MMP10: variants seen among roughly 807,000 people sequenced by gnomAD.
The protein encoded by MMP10 is stromelysin-2.
A neutral mutation model predicts 49.1 loss-of-function variants in MMP10; 50 were observed. That is an observed-to-expected ratio of 1.02 (90% CI 0.81 to 1.29). MMP10 has a LOEUF of 1.29. Among genes scored for constraint, MMP10 ranks in the 50% most tolerant of loss-of-function variants. The pLI, the probability that MMP10 is intolerant of heterozygous loss-of-function variation, is 0.00. For synonymous variants in MMP10, 229 were observed against 201.6 expected, an observed-to-expected ratio of 1.14 and a Z score of -1.15; for missense variants, 613 against 563.8, an observed-to-expected ratio of 1.09 and a Z score of -0.88.
chr11:102,779,336 G>A lies in MMP10; in HGVS notation c.373C>T (p.Pro125Ser). The A allele has an allele frequency of 6.2e-7, 1 of 1,614,102 alleles. No homozygotes were observed. The highest frequency in any genetic ancestry group is 8.5e-7 in the Non-Finnish European group (1 of 1,180,006). The change falls in exon 3 of 10, where the codon CCA becomes TCA. Residue 125 changes from proline (P) to serine (S), a missense_variant. By Grantham distance (74) the Pro-to-Ser change is moderately conservative. Transcript: ENST00000279441. Reference sequence around the variant, plus strand: ...ATGGCAGAATCAACAGCATCTCTTGGCAAATCTGGTGTATAATTCACAATC... The same window carrying A: ...ATGGCAGAATCAACAGCATCTCTTGACAAATCTGGTGTATAATTCACAATC... ...YRIVNYTPDL[P>S]RDAVDSAIEK...
In MMP10 at chr11:102,779,725, G is replaced by T; in HGVS notation, c.126C>A (p.Tyr42Ter). ...DLAQQYLEKY[Y>*]NLEKDVKQFR... Reference sequence around the variant, plus strand: ...ACTGTTTCACATCCTTTTCGAGGTTGTAGTACTTTTCTAGGTATTGCTAAT... The same window carrying T: ...ACTGTTTCACATCCTTTTCGAGGTTTTAGTACTTTTCTAGGTATTGCTAAT... Residue 42 changes from tyrosine to a stop codon, truncating the protein, a stop_gained, in exon 2 of 10, where the codon TAC becomes TAA. Transcript: ENST00000279441. LOFTEE classifies it high-confidence loss of function. 1 of 1,613,490 alleles carries T rather than the reference G, an allele frequency of 6.2e-7. No homozygotes were observed. Among genetic ancestry groups the T allele is most frequent in the Non-Finnish European group, 8.5e-7 (1 of 1,179,614 alleles).
chr11:102,772,815 C>T lies in MMP10; in HGVS notation c.1226+32G>A, dbSNP rs1380066839. On this transcript the variant is annotated intron_variant, in intron 8 of 9. Coordinates refer to ENST00000279441, the MANE Select transcript of MMP10 (RefSeq NM_002425.3). The surrounding 1 kb of genome is among the most constrained non-coding windows in gnomAD (Gnocchi z 4.4). ...AAAGAAAATAATTTTCTTAATCAGG[C>T]TTCATAGAAAGTCATTTCTCTTGCA... The T allele has an allele frequency of 1.3e-6, 2 of 1,594,680 alleles. No individual in the cohort carries two copies. Among genetic ancestry groups the T allele is most frequent in the Non-Finnish European group, 1.7e-6 (2 of 1,170,598 alleles).
At chr11:102,777,651 A>G (rs1166824449) in intron 4 of MMP10, among the ~76,000 whole-genome samples, 1 of 152,148 alleles carries the variant, frequency 6.6e-6, no homozygotes, top group African/African-American at 2.4e-5. Flanking sequence ...ATGCCCAATA[A>G]CAGTTTTCTG....
At chr11:102,774,602 G>C (rs192106236) in intron 7 of MMP10, among the ~76,000 whole-genome samples, 4 of 152,028 alleles carry the variant, frequency 2.6e-5, no homozygotes, top group Admixed American at 2.0e-4. Flanking sequence ...GACAAAATTG[G>C]CAAATTTTTA....
In MMP10 at chr11:102,776,379, GA is replaced by G; in HGVS notation, c.832del (p.Ser278LeufsTer24). 6.2e-7 allele frequency: 1 copy of G among 1,613,948 alleles called. No individual in the cohort carries two copies. Among genetic ancestry groups the G allele is most frequent in the Non-Finnish European group, 8.5e-7 (1 of 1,179,892 alleles). The stretch of plus-strand genomic sequence containing the variant: ...TGGCATCTCAGATCCCGAAGGAACA[GA>G]TTTTGTGGGCACCAGGGGTTCCTCA... ...STEEPLVPTK[S>X]VPSGSEMPAK... is the part of the protein sequence containing the mutation. On this transcript the variant is annotated frameshift_variant, in exon 6 of 10. Transcript: ENST00000279441. LOFTEE classifies it high-confidence loss of function.
Position 102,772,696 on chromosome 11 carries a change from A to G in MMP10, c.1226+151T>C. 1.3e-6 allele frequency: 1 copy of G among 768,918 alleles called. No homozygotes were observed. Among genetic ancestry groups the G allele is most frequent in the Non-Finnish European group, 2.0e-6 (1 of 493,940 alleles). 47.6% of individuals were successfully genotyped at this position (768,918 alleles called of 1,614,324 possible). On this transcript the variant is annotated intron_variant, in intron 8 of 9. Coordinates refer to ENST00000279441, the MANE Select transcript of MMP10 (RefSeq NM_002425.3). This position sits in a 1 kb window ranked among gnomAD's most constrained non-coding sequence, Gnocchi z 4.4. ...CATTCTGAGAGGCCTTTGTATCCGGAAGGTAGAACAATAAGCTGTCTTCCT... is the reference window on the plus strand; with the variant it reads ...CATTCTGAGAGGCCTTTGTATCCGGGAGGTAGAACAATAAGCTGTCTTCCT...
chr11:102,776,755 GCAA>G lies in MMP10; in HGVS notation c.641_643del (p.Val214del), dbSNP rs765974846. The G allele has an allele frequency of 1.2e-6, 2 of 1,613,628 alleles. No individual in the cohort carries two copies. Among genetic ancestry groups the G allele is most frequent in the East Asian group, 4.5e-5 (2 of 44,898 alleles). On this transcript the variant is annotated inframe_deletion, in exon 5 of 10. Coordinates refer to ENST00000279441, the MANE Select transcript of MMP10 (RefSeq NM_002425.3). The stretch of plus-strand genomic sequence containing the variant: ...CAGGGAGTGGCCAAGTTCATGAGCA[GCAA>G]CGAGGAATAAATTGGTGCCTGTATG...
chr11:102,779,402 C>A, intron 2 of MMP10, 41 bp from the exon 3 acceptor site: 1 of 1,609,184 alleles, frequency 6.2e-7, no homozygotes, highest in Non-Finnish European at 8.5e-7. Flanking sequence ...TTTCTCCTGC[C>A]TTTATGAAAA....
intron 7 of MMP10, among the ~76,000 whole-genome samples, chr11:102,774,049 G>A (rs182637315): frequency 6.6e-6 from 1 of 152,300 alleles, no homozygotes; most frequent in Non-Finnish European, 1.5e-5. Context: ...ACATAAGTGA[G>A]ATTGCCAGAA....
At position 102,770,791 on chromosome 11, in the gene MMP10, G is replaced by A. The variant is rs747206561; in HGVS notation, c.*2C>T. On this transcript the variant is annotated 3_prime_UTR_variant, in exon 10 of 10. Coordinates refer to ENST00000279441, the MANE Select transcript of MMP10 (RefSeq NM_002425.3). ...CCCATATCTGTCTTCCCCCTATCTC[G>A]CCTAGCAATGTAACCAGCTGTTACT... The A allele has an allele frequency of 2.0e-5, 32 of 1,584,230 alleles. No homozygotes were observed. Among genetic ancestry groups the A allele is most frequent in the South Asian group, 9.1e-5 (8 of 88,220 alleles).
intron 9 of MMP10, 48 bp downstream of exon 9, chr11:102,771,964 A>C: frequency 8.8e-7 from 1 of 1,141,340 alleles, no homozygotes; most frequent in Non-Finnish European, 1.3e-6. Flanking sequence ...TGAAATCATA[A>C]AAATGCCTGG....
intron 1 of MMP10, among the ~76,000 whole-genome samples, chr11:102,779,968 G>A (rs1565456140): frequency 6.6e-6 from 1 of 152,228 alleles, no homozygotes; most frequent in Admixed American, 6.5e-5. Flanking sequence ...TTCAAGTCTA[G>A]CATTATTTTT....
chr11:102,770,824 A>G lies in MMP10; in HGVS notation c.1400T>C (p.Ile467Thr). 6.2e-7 allele frequency: 1 copy of G among 1,612,164 alleles called. No homozygotes were observed. The highest frequency in any genetic ancestry group is 1.1e-5 in the South Asian group (1 of 90,702). ...FDPNARMVTH[I>T]LKSNSWLHC The stretch of plus-strand genomic sequence containing the variant: ...ATGTAACCAGCTGTTACTCTTTAAT[A>G]TGTGTGTCACCATCCTGGCATTGGG... Residue 467 changes from isoleucine (I) to threonine (T), a missense_variant, in exon 10 of 10, where the codon ATA becomes ACA. By Grantham distance (89) the Ile-to-Thr change is moderately conservative. Coordinates refer to ENST00000279441, the MANE Select transcript of MMP10 (RefSeq NM_002425.3).
At chr11:102,778,828 C>A (rs12146586) in intron 3 of MMP10, 79 bp from the exon 4 acceptor site, 57 of 1,527,572 alleles carry the variant, frequency 3.7e-5, no homozygotes, top group Non-Finnish European at 4.8e-5. Flanking sequence ...ACAGTAGATT[C>A]TATAGTCTGA....
intron 7 of MMP10, among the ~76,000 whole-genome samples, chr11:102,774,947 G>GT (rs1862007327): frequency 6.6e-6 from 1 of 152,098 alleles, no homozygotes; most frequent in South Asian, 2.1e-4. Context: ...AAAATGTCTT[G>GT]TATCTATAGA....
At chr11:102,778,551 C>T in intron 4 of MMP10, 73 bp downstream of exon 4, 1 of 1,573,344 alleles carries the variant, frequency 6.4e-7, no homozygotes, top group Non-Finnish European at 8.6e-7. Context: ...ATTGCTCGTT[C>T]TAGATAATCC....
At chr11:102,777,981 A>G (rs1025217190) in intron 4 of MMP10, among the ~76,000 whole-genome samples, 9 of 152,152 alleles carry the variant, frequency 5.9e-5, no homozygotes, top group Non-Finnish European at 1.2e-4. Flanking sequence ...TAAAAATCCC[A>G]GGCACTGTCA....
In MMP10 at chr11:102,775,666, G is replaced by C. The variant is rs571903582; in HGVS notation, c.933-345C>G. Among the ~76,000 whole-genome samples the C allele has an allele frequency of 2.6e-5, 4 of 152,264 alleles. No homozygotes were observed. In the South Asian group the frequency reaches 8.3e-4, roughly 32 times the overall value. ...GTGGTTGCACATATGAAGGGAGCTG[G>C]AGGACGGTAGGCCAAAGACTGGAGA... is the stretch of plus-strand genomic sequence containing the variant. On this transcript the variant is annotated intron_variant, in intron 6 of 9. Coordinates refer to ENST00000279441, the MANE Select transcript of MMP10 (RefSeq NM_002425.3).
At chr11:102,775,051 T>C in intron 7 of MMP10, 137 bp downstream of exon 7, 4 of 593,450 alleles carry the variant, frequency 6.7e-6, no homozygotes, top group Non-Finnish European at 1.0e-5. Flanking sequence ...ATAATGTTCT[T>C]TGTACAAATT....
Sources: gnomAD v4.1 joint callset for allele counts (sites outside exome capture counted in the v4.1 genomes callset) on GRCh38, gnomAD v4.1.1 for gene constraint, Gnocchi (gnomAD v3.1) non-coding constraint, MANE v1.5 for transcripts, NCBI Gene and HGNC (gene_info 2026-07-23, HGNC 2026-07-21) for gene names.